Variants in ERBIN observed in about 807,000 individuals in gnomAD.
The protein encoded by ERBIN is erbb2 interacting protein.
A neutral mutation model predicts 158.4 loss-of-function variants in ERBIN; 60 were observed. That is an observed-to-expected ratio of 0.38 (90% CI 0.31 to 0.47). The LOEUF (loss-of-function observed/expected upper bound fraction) is 0.47, where lower values mean the gene tolerates loss of function less well. ERBIN is among the 20% of genes least tolerant of loss of function. The pLI is 0.99. For synonymous variants in ERBIN, 594 were observed against 557.2 expected, an observed-to-expected ratio of 1.07 and a Z score of -0.93; for missense variants, 1,610 against 1,648.0, an observed-to-expected ratio of 0.98 and a Z score of 0.40.
At chr5:66,004,399 T>TGC (rs796580130) in intron 4 of ERBIN, among the ~76,000 whole-genome samples, 2 of 152,016 alleles carry the variant, frequency 1.3e-5, no homozygotes, top group African/African-American at 4.8e-5. Context: ...TGCGCGCGCG[T>TGC]GCGTGTGTGT....
chr5:65,949,834 A>AT (rs1561284468), intron 1 of ERBIN, among the ~76,000 whole-genome samples: 1 of 151,982 alleles, frequency 6.6e-6, no homozygotes, highest in Non-Finnish European at 1.5e-5. Context: ...TATGTCTTTT[A>AT]TTTTTTTAAT....
chr5:66,036,935 C>T (rs1757454229), intron 14 of ERBIN, among the ~76,000 whole-genome samples: 1 of 152,128 alleles, frequency 6.6e-6, no homozygotes, highest in Non-Finnish European at 1.5e-5. Flanking sequence ...GACTAGTTTT[C>T]TTATTACATC....
chr5:66,055,199 CTGTCTCTTTG>C, intron 21 of ERBIN: 7 of 901,222 alleles, frequency 7.8e-6, no homozygotes, highest in Middle Eastern at 4.4e-4. Context: ...GTTTATGTGT[CTGTCTCTTTG>C]AGATTGTGCA....
At chr5:66,055,197 GT>G in intron 21 of ERBIN, 7 of 916,228 alleles carry the variant, frequency 7.6e-6, no homozygotes, top group Middle Eastern at 4.3e-4. Context: ...ATGTTTATGT[GT>G]CTGTCTCTTT....
rs2151321363 is a variant in ERBIN at position 66,081,372 on chromosome 5, T to G, written c.*2842T>G. 1 of 152,178 alleles carries G rather than the reference T, an allele frequency of 6.6e-6. No individual in the cohort carries two copies. The highest frequency in any genetic ancestry group is 1.9e-4 in the East Asian group (1 of 5,186). 9.4% of individuals were successfully genotyped at this position (152,178 alleles called of 1,614,324 possible). Reference sequence around the variant, plus strand: ...TGAAGATATATATATATACACTTAATTCTTTTAAACACAAAACTTGCCATA... The same window carrying G: ...TGAAGATATATATATATACACTTAAGTCTTTTAAACACAAAACTTGCCATA... On this transcript the variant is annotated 3_prime_UTR_variant, in exon 26 of 26. Transcript: ENST00000284037.
At chr5:66,017,773 A>T (rs1580360846) in intron 7 of ERBIN, among the ~76,000 whole-genome samples, 3 of 152,212 alleles carry the variant, frequency 2.0e-5, no homozygotes, top group East Asian at 3.9e-4. Flanking sequence ...TATATTGAGA[A>T]TTAGCATTCT....
At chr5:65,995,190 C>A (rs1044813306) in intron 4 of ERBIN, among the ~76,000 whole-genome samples, 1 of 152,002 alleles carries the variant, frequency 6.6e-6, no homozygotes, top group Admixed American at 6.6e-5. Flanking sequence ...TTTTTAATTG[C>A]GGTCATCATG....
intron 22 of ERBIN, among the ~76,000 whole-genome samples, chr5:66,074,624 G>A (rs1050497660): frequency 1.3e-5 from 2 of 152,104 alleles, no homozygotes. Context: ...TTTAGTATGG[G>A]AAAAGATATG....
chr5:66,046,612 C>A (rs879002088), intron 18 of ERBIN, 74 bp downstream of exon 18: 2 of 1,187,806 alleles, frequency 1.7e-6, no homozygotes, highest in Non-Finnish European at 2.3e-6. Flanking sequence ...TAAATAAAGA[C>A]CTGATACTGA....
intron 1 of ERBIN, among the ~76,000 whole-genome samples, chr5:65,979,423 G>GA (rs1484050801): frequency 1.3e-5 from 2 of 151,988 alleles, no homozygotes; most frequent in East Asian, 3.9e-4. Flanking sequence ...ACCCTGTCTG[G>GA]AAAAAAACCC....
chr5:66,078,339 T>G (rs780779525), intron 25 of ERBIN, 84 bp from the exon 26 acceptor site: 31 of 838,204 alleles, frequency 3.7e-5, no homozygotes, highest in Non-Finnish European at 5.5e-5. Context: ...ATTCTTATTT[T>G]CTTCCAAGTT....
intron 1 of ERBIN, among the ~76,000 whole-genome samples, chr5:65,942,807 T>A (rs1469499673): frequency 2.6e-5 from 4 of 151,600 alleles, no homozygotes; most frequent in African/African-American, 9.7e-5. Context: ...TGCCTGTAAT[T>A]CCGCCTACTC....
At chr5:65,929,179 C>T (rs1051419138) in intron 1 of ERBIN, among the ~76,000 whole-genome samples, 2 of 152,138 alleles carry the variant, frequency 1.3e-5, no homozygotes, top group Non-Finnish European at 2.9e-5. Flanking sequence ...GAAGTGATAA[C>T]TATAGATACA....
intron 14 of ERBIN, among the ~76,000 whole-genome samples, chr5:66,030,864 C>G (rs1288907084): frequency 6.6e-6 from 1 of 152,242 alleles, no homozygotes; most frequent in East Asian, 1.9e-4. Flanking sequence ...AACCACCATG[C>G]CTGGCCTGCA....
At chr5:66,063,884 A>C (rs1397424856) in intron 21 of ERBIN, among the ~76,000 whole-genome samples, 2 of 152,234 alleles carry the variant, frequency 1.3e-5, no homozygotes, top group African/African-American at 4.8e-5. Flanking sequence ...ATATACGTAC[A>C]CACATAAAAC....
At chr5:66,075,708 A>G (rs1561462014) in intron 23 of ERBIN, among the ~76,000 whole-genome samples, 1 of 152,236 alleles carries the variant, frequency 6.6e-6, no homozygotes, top group Non-Finnish European at 1.5e-5. Context: ...GGTAGAGATC[A>G]AATGCTTTAT....
chr5:65,999,904 C>T (rs1400245405), intron 4 of ERBIN, among the ~76,000 whole-genome samples: 3 of 152,060 alleles, frequency 2.0e-5, no homozygotes, highest in Admixed American at 6.6e-5. Context: ...GACACATAAT[C>T]CAGAGTATTA....
chr5:66,008,036 A>G (rs553759823), intron 4 of ERBIN, among the ~76,000 whole-genome samples: 12 of 152,318 alleles, frequency 7.9e-5, no homozygotes, highest in African/African-American at 2.9e-4. Flanking sequence ...GCCAGTAGTA[A>G]TTTAGAATTT....
chr5:66,068,946 G>A, intron 21 of ERBIN: 1 of 1,535,742 alleles, frequency 6.5e-7, no homozygotes, highest in Non-Finnish European at 8.7e-7. Context: ...CAGCTCTAGG[G>A]ATCTGCATGG....
Sources: allele counts gnomAD v4.1 joint callset (sites outside exome capture counted in the v4.1 genomes callset), GRCh38; gene constraint gnomAD v4.1.1; transcripts MANE v1.5; gene names NCBI Gene and HGNC (gene_info 2026-07-23, HGNC 2026-07-21).